SRBD1: variants seen among roughly 807,000 people sequenced by gnomAD.
SRBD1 encodes the protein S1 RNA binding domain 1.
A neutral mutation model predicts 115.3 loss-of-function variants in SRBD1; 88 were observed. The ratio of observed to expected loss-of-function variants is 0.76; its 90% CI spans 0.64 to 0.91. The LOEUF is 0.91. Among genes scored for constraint, SRBD1 ranks in the 40% least tolerant of loss-of-function variants. The probability of loss-of-function intolerance (pLI) is 0.00; values close to 1 mark genes in which losing one functional copy is unlikely to be tolerated. For missense variants in SRBD1, 1,385 were observed against 1,177.4 expected (o/e 1.18, Z -2.58); for synonymous variants, 509 against 407.7 (o/e 1.25, Z -2.99).
intron 19 of SRBD1, among the ~76,000 whole-genome samples, chr2:45,398,327 G>A (rs1667203283): frequency 6.6e-6 from 1 of 151,854 alleles, no homozygotes; most frequent in African/African-American, 2.4e-5. Context: ...GTTATTTCTT[G>A]GTACCATTTG....
chr2:45,413,443 A>C, intron 18 of SRBD1, 150 bp from the exon 19 acceptor site: 1 of 886,918 alleles, frequency 1.1e-6, no homozygotes, highest in Non-Finnish European at 1.7e-6. Context: ...ACTACCACTT[A>C]TTTGTTTAAA....
intron 14 of SRBD1, among the ~76,000 whole-genome samples, chr2:45,506,824 A>G (rs1396817675): frequency 6.6e-6 from 1 of 152,338 alleles, no homozygotes; most frequent in South Asian, 2.1e-4. Flanking sequence ...TGCATATTAA[A>G]TAGTGTTTTC....
chr2:45,602,063 T>C lies in SRBD1; in HGVS notation c.101A>G (p.Asp34Gly). 6.2e-7 allele frequency: 1 copy of C among 1,613,812 alleles called. No homozygotes were observed. The highest frequency in any genetic ancestry group is 8.5e-7 in the Non-Finnish European group (1 of 1,179,876). ...FSELSSASEE[D>G]DKEDSAWEPQ... Reference sequence around the variant, plus strand: ...CTCCCAGGCACTATCTTCCTTGTCATCTTCTTCAGAGGCAGATGATCTAGA... The same window carrying C: ...CTCCCAGGCACTATCTTCCTTGTCACCTTCTTCAGAGGCAGATGATCTAGA... Residue 34 changes from aspartate (D) to glycine (G), a missense_variant, in exon 3 of 21, where the codon GAT becomes GGT. Transcript: ENST00000263736.
At chr2:45,497,030 C>A (rs954510944) in intron 14 of SRBD1, among the ~76,000 whole-genome samples, 9 of 152,174 alleles carry the variant, frequency 5.9e-5, no homozygotes, top group Admixed American at 5.2e-4. Context: ...CAGCCGGCTG[C>A]TTCTTAATCT....
chr2:45,525,018 C>G (rs1407717902), intron 14 of SRBD1, among the ~76,000 whole-genome samples: 1 of 151,904 alleles, frequency 6.6e-6, no homozygotes, highest in Admixed American at 6.6e-5. Context: ...GGACAGGGTT[C>G]TAAGATCATT....
Position 45,532,238 on chromosome 2 carries a change from G to A in SRBD1, c.1874+14494C>T, listed in dbSNP as rs1043074982. Among the ~76,000 whole-genome samples the A allele has an allele frequency of 3.3e-5, 5 of 151,758 alleles. 1 individual carries two copies. Among genetic ancestry groups the A allele is most frequent in the Non-Finnish European group, 7.4e-5 (5 of 67,874 alleles). On this transcript the variant is annotated intron_variant, in intron 14 of 20. Coordinates refer to ENST00000263736, the MANE Select transcript of SRBD1 (RefSeq NM_018079.5). ...ACAACTGCTTTAAATTTCTTTTCAT[G>A]CAGCAAGCAATAGCTTGTAAAAGGA... is the stretch of plus-strand genomic sequence containing the variant.
At chr2:45,454,997 C>T (rs937809282) in intron 16 of SRBD1, among the ~76,000 whole-genome samples, 2 of 151,588 alleles carry the variant, frequency 1.3e-5, no homozygotes, top group African/African-American at 4.8e-5. Flanking sequence ...TATTATGTAG[C>T]TCAAATTTAG....
intron 16 of SRBD1, among the ~76,000 whole-genome samples, chr2:45,429,478 G>C (rs1196204428): frequency 1.3e-5 from 2 of 151,418 alleles, no homozygotes; most frequent in Non-Finnish European, 2.9e-5. Flanking sequence ...TGGGATGCAA[G>C]GCTGATTCAA....
chr2:45,405,129 AATTT>A (rs988043403), intron 19 of SRBD1, among the ~76,000 whole-genome samples: 88 of 152,188 alleles, frequency 5.8e-4, no homozygotes, highest in East Asian at 9.6e-4. Flanking sequence ...CACACTGTAT[AATTT>A]ATTTATTATG....
chr2:45,550,745 GA>G (rs745568242), intron 12 of SRBD1, among the ~76,000 whole-genome samples: 3 of 151,734 alleles, frequency 2.0e-5, no homozygotes, highest in African/African-American at 4.8e-5. Flanking sequence ...AAGTAAACAG[GA>G]AAAAAAATTG....
intron 2 of SRBD1, among the ~76,000 whole-genome samples, chr2:45,602,891 C>T (rs1351339430): frequency 2.0e-5 from 3 of 152,162 alleles, no homozygotes; most frequent in African/African-American, 7.2e-5. Context: ...TGGATGACTT[C>T]TTAGCTAAAT....
intron 18 of SRBD1, among the ~76,000 whole-genome samples, chr2:45,418,136 T>A (rs758175748): frequency 3.3e-5 from 5 of 152,258 alleles, no homozygotes; most frequent in Non-Finnish European, 7.3e-5. Flanking sequence ...ACTAGTTTGC[T>A]TATTGTCTGT....
intron 14 of SRBD1, among the ~76,000 whole-genome samples, chr2:45,513,795 TG>T (rs201995626): frequency 1.3e-5 from 2 of 151,336 alleles, no homozygotes; most frequent in Non-Finnish European, 1.5e-5. Flanking sequence ...AGTTTTTTTT[TG>T]TTTGTTTGTT....
chr2:45,605,260 T>C (rs1674228898), intron 2 of SRBD1, 102 bp downstream of exon 2: 1 of 1,191,240 alleles, frequency 8.4e-7, no homozygotes, highest in Non-Finnish European at 1.2e-6. Flanking sequence ...AAAAAGTTTT[T>C]TCTACCCACA....
rs533872423 is a variant in SRBD1, at chr2:45,556,543, AC to A, written c.1410-2814del. Reference sequence around the variant, plus strand: ...AGAGGCACAATCTTGGCTCATTGCAACCTCCACCTCCCAGGTTCAAGCCATT... The same window carrying A: ...AGAGGCACAATCTTGGCTCATTGCAACTCCACCTCCCAGGTTCAAGCCATT... On this transcript the variant is annotated intron_variant, in intron 10 of 20. Transcript: ENST00000263736. Among the ~76,000 whole-genome samples the A allele has an allele frequency of 4.4e-5, 6 of 135,198 alleles. No homozygotes were observed. The East Asian group carries it at 1.3e-3, about 28-fold the overall frequency. The allele number at this position is 135,198 out of a possible 152,430, so 88.7% of individuals were successfully genotyped here.
intron 16 of SRBD1, among the ~76,000 whole-genome samples, chr2:45,457,641 C>T (rs544309187): frequency 1.3e-5 from 2 of 152,028 alleles, no homozygotes; most frequent in Admixed American, 6.6e-5. Flanking sequence ...GTCATTCTCA[C>T]GGCGTATGTT....
Position 45,418,445 on chromosome 2 carries a change from C to G in SRBD1, c.2253G>C (p.Val751=). 6.2e-7 allele frequency: 1 copy of G among 1,613,946 alleles called. No individual in the cohort carries two copies. The highest frequency in any genetic ancestry group is 8.5e-7 in the Non-Finnish European group (1 of 1,179,976). ...GGAAGGATTTTGGGCCCAGCCCTTT[C>G]ACTTTCTTCAGCTGTTCTCGGTTGA... The part of the protein sequence containing the change: ...PFINREQLKK[V]KGLGPKSFQQ... The change falls in exon 18 of 21, where the codon GTG becomes GTC. Residue 751 remains valine, a synonymous_variant. Coordinates refer to ENST00000263736, the MANE Select transcript of SRBD1 (RefSeq NM_018079.5).
chr2:45,554,657 C>A (rs927613262), intron 10 of SRBD1, among the ~76,000 whole-genome samples: 3 of 152,096 alleles, frequency 2.0e-5, no homozygotes, highest in Non-Finnish European at 4.4e-5. Context: ...ACAAATGTAG[C>A]CTCACTGAAA....
intron 10 of SRBD1, among the ~76,000 whole-genome samples, chr2:45,560,561 G>A (rs929051208): frequency 2.6e-5 from 4 of 152,112 alleles, no homozygotes; most frequent in African/African-American, 7.2e-5. Context: ...TTTAAGGATA[G>A]ACAAAACTGA....
Sources: gnomAD v4.1 joint callset for allele counts (sites outside exome capture counted in the v4.1 genomes callset) on GRCh38, gnomAD v4.1.1 for gene constraint, MANE v1.5 for transcripts, NCBI Gene and HGNC (gene_info 2026-07-23, HGNC 2026-07-21) for gene names.